The following GCM1 variants were observed in gnomAD, a reference collection of about 807,000 sequenced individuals.
The protein encoded by GCM1 is GCM transcription factor 1.
Under a neutral mutation model 25.7 loss-of-function variants are expected in GCM1, and 2 were observed. The ratio of observed to expected loss-of-function variants is 0.08; its 90% confidence interval spans 0.03 to 0.24. The LOEUF is 0.24. GCM1 is among the 10% of genes least tolerant of loss of function. GCM1 has a pLI of 1.00. For synonymous variants in GCM1, 183 were observed against 195.7 expected, an observed-to-expected ratio of 0.94 and a Z score of 0.54; for missense variants, 395 against 538.7, an observed-to-expected ratio of 0.73 and a Z score of 2.64.
intron 5 of GCM1, 83 bp downstream of exon 5, chr6:53,130,720 G>T: frequency 8.5e-7 from 1 of 1,180,982 alleles, no homozygotes; most frequent in Non-Finnish European, 1.2e-6. Flanking sequence ...TCCTGCGTCA[G>T]CAAGGGACCC....
chr6:53,129,015 T>A, intron 5 of GCM1, 69 bp from the exon 6 acceptor site: 1 of 1,210,960 alleles, frequency 8.3e-7, no homozygotes, highest in South Asian at 1.4e-5. Flanking sequence ...TAGGCACCCA[T>A]GAGTTACTCT....
intron 4 of GCM1, 168 bp downstream of exon 4, chr6:53,131,839 G>T: frequency 3.3e-6 from 2 of 609,264 alleles, no homozygotes; most frequent in Non-Finnish European, 3.0e-6. Context: ...CCCTTCTAGA[G>T]CTCCCCAGCA....
chr6:53,133,704 G>A (rs777627444), intron 3 of GCM1, among the ~76,000 whole-genome samples: 24 of 152,006 alleles, frequency 1.6e-4, no homozygotes, highest in Non-Finnish European at 2.6e-4. Context: ...ATGTTGCCCC[G>A]GCTGGTCTGG....
chr6:53,137,154 C>G (rs560265386), intron 2 of GCM1, among the ~76,000 whole-genome samples: 1 of 152,292 alleles, frequency 6.6e-6, no homozygotes, highest in East Asian at 1.9e-4. Flanking sequence ...AGGGTGGCAT[C>G]TGGAAAAGTT....
chr6:53,137,599 G>A (rs1763818249), intron 2 of GCM1, among the ~76,000 whole-genome samples: 1 of 151,590 alleles, frequency 6.6e-6, no homozygotes, highest in African/African-American at 2.4e-5. Context: ...ACCAGCCTGG[G>A]CAACACAGTG....
Position 53,135,400 on chromosome 6 carries a change from T to C in GCM1, c.76-1076A>G, listed in dbSNP as rs374833669. ...TGCCTCTGTTTCTTCATCTGTAATG[T>C]AGGGATAATGAGACCTGCCTACCTG... is the stretch of plus-strand genomic sequence containing the variant. On this transcript the variant is annotated intron_variant, in intron 2 of 5. Coordinates refer to ENST00000259803, the MANE Select transcript of GCM1 (RefSeq NM_003643.4). Among the ~76,000 whole-genome samples the C allele has an allele frequency of 2.4e-3, 358 of 152,338 alleles. 1 individual carries two copies. The highest frequency in any genetic ancestry group is 8.2e-3 in the African/African-American group (339 of 41,574).
Position 53,141,199 on chromosome 6 carries a change from A to C in GCM1, c.75+4359T>G, listed in dbSNP as rs145006900. ...ATTTCCACAGAAGTTAACATAGCTT[A>C]ATGGCCCCAGTATCCCTGAGCCTAC... is the stretch of plus-strand genomic sequence containing the variant. On this transcript the variant is annotated intron_variant, in intron 2 of 5. Transcript: ENST00000259803. Among the ~76,000 whole-genome samples the C allele has an allele frequency of 4.2e-4, 64 of 152,320 alleles. 1 individual carries two copies. The highest frequency in any genetic ancestry group is 1.4e-3 in the African/African-American group (58 of 41,576).
intron 2 of GCM1, among the ~76,000 whole-genome samples, chr6:53,141,087 T>G (rs768636852): frequency 3.9e-5 from 6 of 152,190 alleles, no homozygotes; most frequent in Non-Finnish European, 8.8e-5. Flanking sequence ...TGCACACTCC[T>G]TTCAAACTCC....
rs140489452 is a variant in GCM1, at chr6:53,136,379, GAT to G, written c.76-2057_76-2056del. Reference sequence around the variant, plus strand: ...ACTCTGGAGGTACACTGTCTTTCTGGATATGAGTCTTAATGACATTCTTTTCT... The same window carrying G: ...ACTCTGGAGGTACACTGTCTTTCTGGATGAGTCTTAATGACATTCTTTTCT... On this transcript the variant is annotated intron_variant, in intron 2 of 5. Coordinates refer to ENST00000259803, the MANE Select transcript of GCM1 (RefSeq NM_003643.4). Among the ~76,000 whole-genome samples the G allele has an allele frequency of 3.5e-4, 54 of 152,314 alleles. No individual in the cohort carries two copies. The East Asian group carries it at 9.3e-3, about 26-fold the overall frequency.
rs200656203 is a variant in GCM1 at position 53,128,469 on chromosome 6, T to A, written c.1048A>T (p.Thr350Ser). ...QLPLEPPAAK[T>S]GCPPLWPNPA... is the part of the protein sequence containing the mutation. ...TTTGGCCATAATGGGGGACAGCCAG[T>A]TTTGGCTGCAGGTGGCTCCAATGGA... Residue 350 changes from threonine (T) to serine (S), a missense_variant, in exon 6 of 6, where the codon ACT becomes TCT. Thr to Ser is a moderately conservative substitution (Grantham distance 58). This residue lies in a region of GCM1 where 291 missense variants were observed against 314.6 expected (regional missense o/e 0.92). Coordinates refer to ENST00000259803, the MANE Select transcript of GCM1 (RefSeq NM_003643.4). 38 of 1,613,954 alleles carry A rather than the reference T, an allele frequency of 2.4e-5. No homozygotes were observed. Among genetic ancestry groups the A allele is most frequent in the Admixed American group, 1.3e-4 (8 of 59,996 alleles).
At chr6:53,132,901 G>A (rs1763745421) in intron 3 of GCM1, among the ~76,000 whole-genome samples, 1 of 152,170 alleles carries the variant, frequency 6.6e-6, no homozygotes, top group Non-Finnish European at 1.5e-5. Context: ...GAGGTTTGAA[G>A]TGGGCAATGT....
chr6:53,134,371 C>A, intron 2 of GCM1, 47 bp from the exon 3 acceptor site: 1 of 1,581,924 alleles, frequency 6.3e-7, no homozygotes, highest in African/African-American at 1.3e-5. Context: ...CTAGAAAACA[C>A]AGCTGTCACC....
At chr6:53,138,440 T>C (rs2816340) in intron 2 of GCM1, among the ~76,000 whole-genome samples, 105,800 of 151,848 alleles carry the variant, frequency 0.7, 37,138 homozygotes, top group Admixed American at 0.75. Flanking sequence ...CTTTTTACAC[T>C]GAAATTAAGA....
chr6:53,130,003 G>A (rs1283875461), intron 5 of GCM1, among the ~76,000 whole-genome samples: 12 of 152,236 alleles, frequency 7.9e-5, no homozygotes, highest in Non-Finnish European at 1.5e-5. Flanking sequence ...TGACCAGGTA[G>A]ATTGGATGAG....
chr6:53,134,169 C>G lies in GCM1; in HGVS notation c.231G>C (p.Leu77=), dbSNP rs774031497. 8 of 1,614,074 alleles carry G rather than the reference C, an allele frequency of 5.0e-6. No homozygotes were observed. Among genetic ancestry groups the G allele is most frequent in the Non-Finnish European group, 5.9e-6 (7 of 1,180,032 alleles). ...HNSRILKKSC[L]GVVVCGRDCL... ...AGTCGCGGCCGCACACCACCACACC[C>G]AGGCAGGACTTCTTGAGGATGCGGG... Residue 77 remains leucine (L), a synonymous_variant, in exon 3 of 6, where the codon CTG becomes CTC. Transcript: ENST00000259803.
At chr6:53,131,847 G>A in intron 4 of GCM1, 160 bp downstream of exon 4, 3 of 626,522 alleles carry the variant, frequency 4.8e-6, no homozygotes, top group East Asian at 2.8e-5. Context: ...GAGCTCCCCA[G>A]CACTTCAAAC....
At chr6:53,138,490 C>A (rs1049672442) in intron 2 of GCM1, among the ~76,000 whole-genome samples, 1 of 152,102 alleles carries the variant, frequency 6.6e-6, no homozygotes, top group African/African-American at 2.4e-5. Flanking sequence ...ACCCAAGTGT[C>A]AGATGGATGA....
At chr6:53,141,290 A>G (rs1403948993) in intron 2 of GCM1, among the ~76,000 whole-genome samples, 1 of 152,236 alleles carries the variant, frequency 6.6e-6, no homozygotes, top group Non-Finnish European at 1.5e-5. Context: ...ATCACTGCTC[A>G]CTGTTGTCAA....
intron 2 of GCM1, among the ~76,000 whole-genome samples, chr6:53,141,838 T>C (rs1480505500): frequency 6.6e-6 from 1 of 151,390 alleles, no homozygotes; most frequent in East Asian, 1.9e-4. Context: ...ACCCCATCTC[T>C]ACTAAAAAGA....
Sources: allele counts gnomAD v4.1 joint callset (sites outside exome capture counted in the v4.1 genomes callset), GRCh38; gene constraint gnomAD v4.1.1; regional missense constraint gnomAD v4.1.1; transcripts MANE v1.5; gene names NCBI Gene and HGNC (gene_info 2026-07-23, HGNC 2026-07-21).